CADM1: variants seen among roughly 807,000 people sequenced by gnomAD.
CADM1 encodes the protein cell adhesion molecule 1.
A neutral mutation model predicts 53.1 loss-of-function variants in CADM1; 15 were observed. The ratio of observed to expected loss-of-function variants is 0.28; its 90% CI spans 0.19 to 0.44. The LOEUF is 0.44. Ranked by LOEUF, CADM1 falls within the 20% of genes least tolerant of loss-of-function variation. The pLI, the probability that CADM1 is intolerant of heterozygous loss-of-function variation, is 1.00. For synonymous variants in CADM1, 281 were observed against 243.0 expected, an observed-to-expected ratio of 1.16 and a Z score of -1.45; for missense variants, 434 against 611.3, an observed-to-expected ratio of 0.71 and a Z score of 3.06.
At chr11:115,240,233 T>TA in intron 2 of CADM1, 41 bp downstream of exon 2, 5 of 1,601,978 alleles carry the variant, frequency 3.1e-6, no homozygotes, top group Non-Finnish European at 2.6e-6. Flanking sequence ...AACATGTAGG[T>TA]AAAAAAGTTG....
chr11:115,332,667 A>G lies in CADM1; in HGVS notation c.125-92247T>C, dbSNP rs574588599. 3.3e-5 allele frequency among the ~76,000 whole-genome samples: 5 copies of G among 152,270 alleles called. 1 individual carries two copies. The South Asian group carries it at 1.0e-3, about 32-fold the overall frequency. On this transcript the variant is annotated intron_variant, in intron 1 of 11. Transcript: ENST00000331581. ...CACATCTAAGAATGGAGAAGATCAT[A>G]TTGATTATAGGGGAGTACCCTTAAC...
chr11:115,211,498 T>TTA (rs1940959768), intron 7 of CADM1, among the ~76,000 whole-genome samples: 2 of 148,984 alleles, frequency 1.3e-5, no homozygotes, highest in African/African-American at 2.5e-5. Context: ...TTTTTTTTTT[T>TTA]AGACGGAGTC....
chr11:115,503,137 G>A (rs1366449228), intron 1 of CADM1, among the ~76,000 whole-genome samples: 7 of 152,146 alleles, frequency 4.6e-5, no homozygotes. Flanking sequence ...CAAGCGCGGC[G>A]AGGTGGCGGG....
intron 1 of CADM1, among the ~76,000 whole-genome samples, chr11:115,348,129 T>A (rs956176014): frequency 6.6e-6 from 1 of 152,160 alleles, no homozygotes; most frequent in Admixed American, 6.5e-5. Context: ...GCTTGCCTAT[T>A]GAAAAGAGAA....
At chr11:115,363,294 C>G (rs893507476) in intron 1 of CADM1, among the ~76,000 whole-genome samples, 1 of 151,020 alleles carries the variant, frequency 6.6e-6, no homozygotes, top group Admixed American at 6.6e-5. Flanking sequence ...GTTTTTCTGA[C>G]AGTTGGCTGC....
intron 1 of CADM1, among the ~76,000 whole-genome samples, chr11:115,488,312 G>A (rs901537578): frequency 1.2e-4 from 18 of 152,176 alleles, no homozygotes; most frequent in African/African-American, 4.3e-4. Flanking sequence ...CTAAATGGAT[G>A]GATGTGACTA....
In CADM1 at chr11:115,476,580, T is replaced by G. The variant is rs377206575; in HGVS notation, c.124+27691A>C. Among the ~76,000 whole-genome samples the G allele has an allele frequency of 5.4e-4, 82 of 152,286 alleles. No homozygotes were observed. In the South Asian group the frequency reaches 0.017, roughly 31 times the overall value. On this transcript the variant is annotated intron_variant, in intron 1 of 11. Coordinates refer to ENST00000331581, the MANE Select transcript of CADM1 (RefSeq NM_001301043.2). ...GAGCACGCTGCGTGGTAGGAGAACATGATCCTAGAATTAAACATTCTGTAG... is the reference window on the plus strand; with the variant it reads ...GAGCACGCTGCGTGGTAGGAGAACAGGATCCTAGAATTAAACATTCTGTAG...
intron 1 of CADM1, among the ~76,000 whole-genome samples, chr11:115,260,527 G>A (rs1942940049): frequency 6.6e-6 from 1 of 152,222 alleles, no homozygotes. Flanking sequence ...GAATAATGAG[G>A]AGGTATAATT....
intron 1 of CADM1, among the ~76,000 whole-genome samples, chr11:115,291,208 G>T (rs1254293763): frequency 6.6e-6 from 1 of 152,022 alleles, no homozygotes; most frequent in Admixed American, 6.5e-5. Context: ...TCCAGGAAAT[G>T]ATTAATGCTT....
At chr11:115,418,755 C>G (rs1462010682) in intron 1 of CADM1, among the ~76,000 whole-genome samples, 1 of 152,070 alleles carries the variant, frequency 6.6e-6, no homozygotes, top group East Asian at 1.9e-4. Flanking sequence ...AAGAGTGAGG[C>G]CTTGACAATA....
rs558368449 is a variant in CADM1 at position 115,269,185 on chromosome 11, C to T, written c.125-28765G>A. Among the ~76,000 whole-genome samples the T allele has an allele frequency of 2.0e-5, 3 of 152,208 alleles. No homozygotes were observed. In the South Asian group the frequency reaches 6.2e-4, roughly 32 times the overall value. On this transcript the variant is annotated intron_variant, in intron 1 of 11. Transcript: ENST00000331581. Reference sequence around the variant, plus strand: ...TGTCATTCAAGCAAATCCAGACTAACCCAGTGGCCCACACTTGCTCTTGTG... The same window carrying T: ...TGTCATTCAAGCAAATCCAGACTAATCCAGTGGCCCACACTTGCTCTTGTG...
In CADM1 at chr11:115,424,017, T is replaced by C. The variant is rs551804878; in HGVS notation, c.124+80254A>G. 2.5e-4 allele frequency among the ~76,000 whole-genome samples: 38 copies of C among 152,322 alleles called. No homozygotes were observed. In the South Asian group the frequency reaches 7.5e-3, roughly 30 times the overall value. ...CCTCATAGCACTTCAAACTCCCTGTTGAATGGGAGTACCAGGGGATGGTTC... is the reference window on the plus strand; with the variant it reads ...CCTCATAGCACTTCAAACTCCCTGTCGAATGGGAGTACCAGGGGATGGTTC... On this transcript the variant is annotated intron_variant, in intron 1 of 11. Coordinates refer to ENST00000331581, the MANE Select transcript of CADM1 (RefSeq NM_001301043.2).
intron 1 of CADM1, among the ~76,000 whole-genome samples, chr11:115,484,106 C>A (rs2135414588): frequency 6.6e-6 from 1 of 152,298 alleles, no homozygotes; most frequent in African/African-American, 2.4e-5. Flanking sequence ...AAAATGCAGA[C>A]TACAACTCAG....
chr11:115,474,158 G>T (rs1188509823), intron 1 of CADM1, among the ~76,000 whole-genome samples: 1 of 151,604 alleles, frequency 6.6e-6, no homozygotes, highest in African/African-American at 2.4e-5. Context: ...AGGCGTGGTG[G>T]TGGGCGCCTG....
intron 1 of CADM1, among the ~76,000 whole-genome samples, chr11:115,242,740 C>T (rs1189037750): frequency 2.0e-5 from 3 of 152,280 alleles, no homozygotes; most frequent in South Asian, 4.1e-4. Context: ...CTTCAGTTTA[C>T]AAAAGGTACA....
intron 1 of CADM1, among the ~76,000 whole-genome samples, chr11:115,332,798 A>G (rs1945166179): frequency 6.6e-6 from 1 of 152,138 alleles, no homozygotes. Context: ...AAAAATATAA[A>G]TAATCTGATA....
chr11:115,455,308 G>A (rs1294796524), intron 1 of CADM1, among the ~76,000 whole-genome samples: 1 of 151,738 alleles, frequency 6.6e-6, no homozygotes, highest in Non-Finnish European at 1.5e-5. Context: ...TTCTTTGGAT[G>A]TCTTCAGTGA....
intron 1 of CADM1, among the ~76,000 whole-genome samples, chr11:115,450,303 T>C (rs1016014912): frequency 6.6e-6 from 1 of 152,164 alleles, no homozygotes; most frequent in East Asian, 1.9e-4. Context: ...TGCATCCAAA[T>C]CCAAGTTTCC....
chr11:115,451,461 G>A (rs1187153575), intron 1 of CADM1, among the ~76,000 whole-genome samples: 3 of 152,112 alleles, frequency 2.0e-5, no homozygotes, highest in Non-Finnish European at 2.9e-5. Context: ...ATTTGCTGAG[G>A]GCTCACAAAG....
Sources: gnomAD v4.1 joint callset for allele counts (sites outside exome capture counted in the v4.1 genomes callset) on GRCh38, gnomAD v4.1.1 for gene constraint, MANE v1.5 for transcripts, NCBI Gene and HGNC (gene_info 2026-07-23, HGNC 2026-07-21) for gene names.